Variants in CSMD1 observed in about 807,000 individuals in gnomAD.
The protein encoded by CSMD1 is CUB and sushi domain-containing protein 1.
A neutral mutation model predicts 417.5 loss-of-function variants in CSMD1; 213 were observed. The observed-to-expected ratio is 0.51, with a 90% confidence interval of 0.46 to 0.57. The LOEUF (loss-of-function observed/expected upper bound fraction) is 0.57. CSMD1 is among the 20% of genes least tolerant of loss of function. The pLI is 0.00. For missense variants in CSMD1, 6,923 were observed against 4,529.7 expected (o/e 1.53, Z -15.17); for synonymous variants, 2,862 against 1,736.8 (o/e 1.65, Z -16.11).
intron 58 of CSMD1, among the ~76,000 whole-genome samples, chr8:2,966,299 C>G (rs1178801846): frequency 6.6e-6 from 1 of 152,110 alleles, no homozygotes; most frequent in East Asian, 1.9e-4. Flanking sequence ...ACCCAGTGGT[C>G]TACAGACAAA....
At chr8:4,595,697 T>A (rs1204306066) in intron 2 of CSMD1, among the ~76,000 whole-genome samples, 1 of 152,122 alleles carries the variant, frequency 6.6e-6, no homozygotes, top group Non-Finnish European at 1.5e-5. Context: ...AACTCAGGAG[T>A]TGGAGGCCAG....
intron 1 of CSMD1, among the ~76,000 whole-genome samples, chr8:4,801,147 C>T (rs1329060477): frequency 6.6e-6 from 1 of 152,136 alleles, no homozygotes; most frequent in African/African-American, 2.4e-5. Flanking sequence ...TTGTATCTTA[C>T]CTTAAATCAA....
intron 10 of CSMD1, among the ~76,000 whole-genome samples, chr8:3,536,952 G>T (rs1258572284): frequency 6.6e-6 from 1 of 152,130 alleles, no homozygotes; most frequent in Non-Finnish European, 1.5e-5. Flanking sequence ...TATTTACTGG[G>T]AGCTTTCACA....
chr8:4,858,748 G>A (rs1196051996), intron 1 of CSMD1, among the ~76,000 whole-genome samples: 2 of 144,596 alleles, frequency 1.4e-5, no homozygotes, highest in African/African-American at 2.5e-5. Context: ...ACAAACCACT[G>A]CTCAAGGAAA....
intron 5 of CSMD1, among the ~76,000 whole-genome samples, chr8:3,899,357 T>G (rs970079715): frequency 6.6e-6 from 1 of 152,122 alleles, no homozygotes; most frequent in Non-Finnish European, 1.5e-5. Context: ...GGACAGATTC[T>G]CCGCCCTGGC....
intron 5 of CSMD1, among the ~76,000 whole-genome samples, chr8:3,780,605 C>A (rs550180295): frequency 6.6e-6 from 1 of 152,304 alleles, no homozygotes; most frequent in South Asian, 2.1e-4. Flanking sequence ...TAATTCACTA[C>A]AACTGTCATC....
At chr8:2,999,399 C>A (rs1424553687) in intron 53 of CSMD1, among the ~76,000 whole-genome samples, 1 of 152,132 alleles carries the variant, frequency 6.6e-6, no homozygotes, top group African/African-American at 2.4e-5. Context: ...GGTGATCCAC[C>A]TGCCTCAGCC....
chr8:4,000,817 G>A (rs905697342), intron 4 of CSMD1, among the ~76,000 whole-genome samples: 5 of 151,904 alleles, frequency 3.3e-5, no homozygotes, highest in African/African-American at 9.6e-5. Flanking sequence ...GCATCTCAAT[G>A]TAAACACAGA....
At chr8:4,602,360 G>A (rs528747346) in intron 2 of CSMD1, among the ~76,000 whole-genome samples, 1 of 152,144 alleles carries the variant, frequency 6.6e-6, no homozygotes, top group Non-Finnish European at 1.5e-5. Context: ...TGAAACAGAA[G>A]CTTCTACTGC....
chr8:3,552,159 G>A (rs546695087), intron 10 of CSMD1, among the ~76,000 whole-genome samples: 8 of 152,202 alleles, frequency 5.3e-5, no homozygotes, highest in Admixed American at 1.3e-4. Context: ...CTAAGAGAAA[G>A]AGGTGAGATT....
At chr8:4,513,468 T>C (rs1321188695) in intron 2 of CSMD1, among the ~76,000 whole-genome samples, 1 of 152,188 alleles carries the variant, frequency 6.6e-6, no homozygotes, top group Non-Finnish European at 1.5e-5. Flanking sequence ...AATTCTTTCA[T>C]ACCCACAACA....
intron 23 of CSMD1, among the ~76,000 whole-genome samples, chr8:3,313,572 A>C (rs567002864): frequency 6.6e-6 from 1 of 152,348 alleles, no homozygotes; most frequent in African/African-American, 2.4e-5. Flanking sequence ...ATACTATCTC[A>C]CACGAGTTAG....
chr8:3,953,057 G>T (rs962088048), intron 5 of CSMD1, among the ~76,000 whole-genome samples: 1 of 151,586 alleles, frequency 6.6e-6, no homozygotes, highest in Admixed American at 6.6e-5. Flanking sequence ...TCAATGAAAA[G>T]AACAGAAAAG....
intron 5 of CSMD1, among the ~76,000 whole-genome samples, chr8:3,978,918 C>G (rs1813644156): frequency 6.6e-6 from 1 of 152,198 alleles, no homozygotes; most frequent in African/African-American, 2.4e-5. Flanking sequence ...GAATTAGCGT[C>G]CTAATGTGCA....
Position 4,392,118 on chromosome 8 carries a change from C to A in CSMD1, c.415+27835G>T, listed in dbSNP as rs2128924178. ...CAAGGAAAGACCAGCAGAATCTGTA[C>A]AGCTGAGTCAAGTCCAGATTGCTGA... is the stretch of plus-strand genomic sequence containing the variant. On this transcript the variant is annotated intron_variant, in intron 3 of 69. Transcript: ENST00000635120. Among the ~76,000 whole-genome samples, 3 of 152,336 alleles carry A rather than the reference C, an allele frequency of 2.0e-5. No homozygotes were observed. In the Middle Eastern group the frequency reaches 0.01, roughly 518 times the overall value.
intron 7 of CSMD1, among the ~76,000 whole-genome samples, chr8:3,628,986 A>G (rs538095838): frequency 7.2e-5 from 11 of 152,320 alleles, no homozygotes; most frequent in Non-Finnish European, 1.0e-4. Context: ...AGGAGGATAG[A>G]GAAAAGGGAA....
intron 6 of CSMD1, among the ~76,000 whole-genome samples, chr8:3,735,404 A>C (rs924707826): frequency 9.2e-5 from 14 of 152,214 alleles, no homozygotes; most frequent in African/African-American, 3.1e-4. Context: ...TATAATTTAC[A>C]AAATCCTTAG....
intron 3 of CSMD1, among the ~76,000 whole-genome samples, chr8:4,293,387 C>G (rs186743217): frequency 6.6e-6 from 1 of 152,180 alleles, no homozygotes; most frequent in Non-Finnish European, 1.5e-5. Flanking sequence ...TTGAGCAACT[C>G]TTAAGCTCCT....
chr8:3,148,106 G>T (rs766294199), intron 40 of CSMD1, among the ~76,000 whole-genome samples: 1 of 152,148 alleles, frequency 6.6e-6, no homozygotes, highest in Non-Finnish European at 1.5e-5. Context: ...GTAACCACAG[G>T]AAATGTTCCA....
Sources: allele counts gnomAD v4.1 joint callset (sites outside exome capture counted in the v4.1 genomes callset), GRCh38; gene constraint gnomAD v4.1.1; transcripts MANE v1.5; gene names NCBI Gene and HGNC (gene_info 2026-07-23, HGNC 2026-07-21).